Variants in COL26A1 observed in about 807,000 individuals in gnomAD.
The protein encoded by COL26A1 is collagen type XXVI alpha 1 chain.
COL26A1 carries 41 observed loss-of-function variants against 59.3 expected under a neutral mutation model. That is an observed-to-expected ratio of 0.69 (90% CI 0.54 to 0.90). The LOEUF is 0.90. Among genes scored for constraint, COL26A1 ranks in the 40% least tolerant of loss-of-function variants. COL26A1 has a pLI of 0.00. For missense variants in COL26A1, 612 were observed against 602.3 expected (o/e 1.02, Z -0.17); for synonymous variants, 266 against 256.0 (o/e 1.04, Z -0.37).
At chr7:101,399,777 A>G (rs1791946790) in intron 1 of COL26A1, among the ~76,000 whole-genome samples, 1 of 152,208 alleles carries the variant, frequency 6.6e-6, no homozygotes, top group Non-Finnish European at 1.5e-5. Flanking sequence ...AATTTTGAAC[A>G]TGCATTCCCA....
chr7:101,532,835 C>T (rs1021018087), intron 3 of COL26A1, among the ~76,000 whole-genome samples: 2 of 152,154 alleles, frequency 1.3e-5, no homozygotes, highest in African/African-American at 4.8e-5. Context: ...CATGGCATCA[C>T]CTTGTCTGAA....
chr7:101,427,160 G>T (rs888089089), intron 2 of COL26A1, among the ~76,000 whole-genome samples: 7 of 152,220 alleles, frequency 4.6e-5, no homozygotes, highest in Non-Finnish European at 1.0e-4. Flanking sequence ...CTGGACTCAA[G>T]TGATCCTCAT....
chr7:101,445,612 G>C (rs768081316), intron 2 of COL26A1, among the ~76,000 whole-genome samples: 65 of 150,542 alleles, frequency 4.3e-4, no homozygotes, highest in Non-Finnish European at 7.2e-4. Context: ...GGCGCCTGTA[G>C]TCCCAGCTGC....
chr7:101,476,142 TTGTGTGTGTGTGTGTG>T (rs56666965), intron 3 of COL26A1, among the ~76,000 whole-genome samples: 10 of 146,340 alleles, frequency 6.8e-5, no homozygotes, highest in Admixed American at 2.1e-4. Flanking sequence ...TCCCAGCTAA[TTGTGTGTGTGTGTGTG>T]TGTGTGTGTG....
At chr7:101,436,357 G>A (rs951387009) in intron 2 of COL26A1, among the ~76,000 whole-genome samples, 2 of 152,114 alleles carry the variant, frequency 1.3e-5, no homozygotes, top group East Asian at 3.9e-4. Flanking sequence ...CTCCACTCTC[G>A]TTTCCTGTTG....
At chr7:101,398,808 A>G (rs887731892) in intron 1 of COL26A1, among the ~76,000 whole-genome samples, 7 of 152,086 alleles carry the variant, frequency 4.6e-5, no homozygotes, top group African/African-American at 1.7e-4. Flanking sequence ...GAAGCCCTTC[A>G]TCATAAGGGC....
chr7:101,553,479 C>T, intron 11 of COL26A1, 103 bp downstream of exon 11: 1 of 1,173,758 alleles, frequency 8.5e-7, no homozygotes, highest in South Asian at 1.4e-5. Flanking sequence ...TCAGCCAGCC[C>T]CGAGCTGGGT....
intron 3 of COL26A1, among the ~76,000 whole-genome samples, chr7:101,483,444 C>T (rs1794197849): frequency 6.6e-6 from 1 of 152,100 alleles, no homozygotes; most frequent in South Asian, 2.1e-4. Flanking sequence ...GATCCACCCA[C>T]CTCAGCCTCC....
chr7:101,534,565 C>T (rs2130643028), intron 4 of COL26A1, among the ~76,000 whole-genome samples: 1 of 152,212 alleles, frequency 6.6e-6, no homozygotes, highest in Middle Eastern at 3.4e-3. Flanking sequence ...CAGGGACACA[C>T]ATATGTAATA....
chr7:101,555,958 C>A, intron 12 of COL26A1, 87 bp downstream of exon 12: 4 of 1,167,150 alleles, frequency 3.4e-6, no homozygotes, highest in South Asian at 1.4e-5. Context: ...TGCCTAGGGT[C>A]TCTGGTCTCC....
intron 3 of COL26A1, among the ~76,000 whole-genome samples, chr7:101,512,762 CA>C: frequency 6.6e-6 from 1 of 152,202 alleles, no homozygotes; most frequent in East Asian, 1.9e-4. Context: ...AGCAGTGCAC[CA>C]AAAAAGTAAT....
chr7:101,367,685 A>G (rs561586598), intron 1 of COL26A1, among the ~76,000 whole-genome samples: 42 of 94,544 alleles, frequency 4.4e-4, no homozygotes, highest in Non-Finnish European at 9.4e-4. Flanking sequence ...AAAAAAAAAA[A>G]AAAGAAGAAG....
At chr7:101,427,054 TTTAC>T (rs1792665797) in intron 2 of COL26A1, among the ~76,000 whole-genome samples, 1 of 152,136 alleles carries the variant, frequency 6.6e-6, no homozygotes, top group Non-Finnish European at 1.5e-5. Flanking sequence ...CCCCTCATCA[TTTAC>T]TTATTTATTT....
chr7:101,366,378 C>T (rs552300870), intron 1 of COL26A1, among the ~76,000 whole-genome samples: 4 of 150,962 alleles, frequency 2.6e-5, no homozygotes, highest in African/African-American at 9.6e-5. Flanking sequence ...AGTGTGTTTA[C>T]CGGGGCTTGG....
intron 4 of COL26A1, 144 bp downstream of exon 4, chr7:101,533,287 C>A (rs1460158384): frequency 1.5e-6 from 1 of 667,078 alleles, no homozygotes; most frequent in Non-Finnish European, 2.6e-6. Flanking sequence ...GTCCCAGGTA[C>A]TGGGTACTGT....
At chr7:101,490,364 T>C (rs1794431089) in intron 3 of COL26A1, among the ~76,000 whole-genome samples, 1 of 150,926 alleles carries the variant, frequency 6.6e-6, no homozygotes. Flanking sequence ...GGAATGAGCA[T>C]TGTGCCCGGC....
chr7:101,421,541 G>A (rs1024028195), intron 2 of COL26A1, among the ~76,000 whole-genome samples: 2 of 152,036 alleles, frequency 1.3e-5, no homozygotes, highest in African/African-American at 4.8e-5. Context: ...CAGGCGTGGT[G>A]GTGGGCGCCT....
At chr7:101,529,228 T>C (rs1795314684) in intron 3 of COL26A1, among the ~76,000 whole-genome samples, 1 of 152,170 alleles carries the variant, frequency 6.6e-6, no homozygotes, top group Non-Finnish European at 1.5e-5. Flanking sequence ...ACATGCATAA[T>C]AGTAGGGATT....
chr7:101,545,204 C>T lies in COL26A1; in HGVS notation c.704-134C>T, dbSNP rs892050272. The T allele has an allele frequency of 1.6e-5, 11 of 705,358 alleles. No homozygotes were observed. In the Admixed American group the frequency reaches 2.3e-4, roughly 15 times the overall value. The allele number at this position is 705,358 out of a possible 1,614,324, so 43.7% of individuals were successfully genotyped here. A position where few individuals can be genotyped will look rare whatever the true frequency, so the allele number is the denominator to read the frequency against. On this transcript the variant is annotated intron_variant, in intron 6 of 12. Coordinates refer to ENST00000313669, the MANE Select transcript of COL26A1 (RefSeq NM_001278563.3). ...GACACCCCCAAGGAAGACTGTGGAT[C>T]GGAGGTCACCACTGACTGCCTGTGG...
Sources: allele counts gnomAD v4.1 joint callset (sites outside exome capture counted in the v4.1 genomes callset), GRCh38; gene constraint gnomAD v4.1.1; transcripts MANE v1.5; gene names NCBI Gene and HGNC (gene_info 2026-07-23, HGNC 2026-07-21).